Variants in TENM4 observed in about 807,000 individuals in gnomAD.
TENM4 encodes the protein teneurin-4.
In TENM4, 82 loss-of-function variants were observed where a neutral mutation model predicts 243.3. The observed-to-expected ratio is 0.34, with a 90% CI of 0.28 to 0.40. TENM4 has a LOEUF of 0.40. Among genes scored for constraint, TENM4 ranks in the 10% least tolerant of loss-of-function variants. The pLI is 1.00. For synonymous variants in TENM4, 1,412 were observed against 1,456.3 expected, an observed-to-expected ratio of 0.97 and a Z score of 0.69; for missense variants, 3,138 against 3,673.3, an observed-to-expected ratio of 0.85 and a Z score of 3.77.
In TENM4 at chr11:79,347,779, T is replaced by G. The variant is rs1277823414; in HGVS notation, c.-320-50236A>C. 7.1e-5 allele frequency among the ~76,000 whole-genome samples: 10 copies of G among 140,368 alleles called. 1 individual carries two copies. Among genetic ancestry groups the G allele is most frequent in the South Asian group, 2.5e-4 (1 of 3,978 alleles). 92.1% of individuals were successfully genotyped at this position (140,368 alleles called of 152,430 possible). A position where few individuals can be genotyped will look rare whatever the true frequency, so the allele number is the denominator to read the frequency against. ...ATCCTCTCCTTTTTTTTTTTTTTTT[T>G]TTTTTTTTTTTGAGACGGAGTCTCG... On this transcript the variant is annotated intron_variant, in intron 1 of 33. Coordinates refer to ENST00000278550, the MANE Select transcript of TENM4 (RefSeq NM_001098816.3).
Position 78,838,666 on chromosome 11 carries a change from T to C in TENM4, c.1681+15438A>G, listed in dbSNP as rs547230387. ...AAAGGAGTAAAGCAGGCCAGGTACA[T>C]GTAAGAAAAATGGAGGAGGTGGAGA... On this transcript the variant is annotated intron_variant, in intron 12 of 33. Coordinates refer to ENST00000278550, the MANE Select transcript of TENM4 (RefSeq NM_001098816.3). 1.3e-3 allele frequency among the ~76,000 whole-genome samples: 203 copies of C among 152,240 alleles called. 1 individual carries two copies. The highest frequency in any genetic ancestry group is 4.3e-3 in the African/African-American group (180 of 41,548).
chr11:78,686,426 C>T (rs1326798622), intron 29 of TENM4, among the ~76,000 whole-genome samples: 1 of 152,134 alleles, frequency 6.6e-6, no homozygotes, highest in Non-Finnish European at 1.5e-5. Context: ...GTCCTGTGAG[C>T]TGTTCCAGTA....
At chr11:79,255,643 A>G (rs1855689246) in intron 2 of TENM4, among the ~76,000 whole-genome samples, 1 of 152,242 alleles carries the variant, frequency 6.6e-6, no homozygotes, top group African/African-American at 2.4e-5. Context: ...AAGTTAGGGA[A>G]GCCAATGAGT....
rs567965338 is a variant in TENM4 at position 79,370,502 on chromosome 11, T to C, written c.-321+70007A>G. Among the ~76,000 whole-genome samples the C allele has an allele frequency of 3.9e-5, 6 of 152,052 alleles. 1 individual carries two copies. The East Asian group carries it at 1.2e-3, about 29-fold the overall frequency. Reference sequence around the variant, plus strand: ...TTCAGAAAAATTAAAAAATAGAAAATTTAATTAAAGCCCTCTCTGCCTAGT... The same window carrying C: ...TTCAGAAAAATTAAAAAATAGAAAACTTAATTAAAGCCCTCTCTGCCTAGT... On this transcript the variant is annotated intron_variant, in intron 1 of 33. Transcript: ENST00000278550.
At chr11:79,000,618 C>T (rs1290223343) in intron 6 of TENM4, among the ~76,000 whole-genome samples, 1 of 151,966 alleles carries the variant, frequency 6.6e-6, no homozygotes, top group African/African-American at 2.4e-5. Flanking sequence ...AAAAAATCCT[C>T]AAGATATAGT....
At chr11:79,079,297 G>C (rs1253568062) in intron 4 of TENM4, among the ~76,000 whole-genome samples, 5 of 152,246 alleles carry the variant, frequency 3.3e-5, no homozygotes, top group African/African-American at 1.2e-4. Context: ...GCAGACAGCT[G>C]CTGTATGGGC....
chr11:78,828,053 CT>C (rs1857897386), intron 12 of TENM4, among the ~76,000 whole-genome samples: 1 of 152,184 alleles, frequency 6.6e-6, no homozygotes, highest in Admixed American at 6.5e-5. Context: ...TCTGGAGTAG[CT>C]GGGCAGTCAA....
intron 6 of TENM4, among the ~76,000 whole-genome samples, chr11:79,006,782 C>T (rs2852254): frequency 0.2 from 30,532 of 152,244 alleles, 3,546 homozygotes; most frequent in Non-Finnish European, 0.27. Flanking sequence ...TTCTTAGAAG[C>T]TTAAAAGATG....
intron 6 of TENM4, among the ~76,000 whole-genome samples, chr11:78,965,711 T>C (rs75329634): frequency 0.022 from 3,390 of 152,334 alleles, 59 homozygotes; most frequent in Admixed American, 0.037. Flanking sequence ...ACGCATTCCC[T>C]GGTCTCTCCT....
chr11:79,391,015 T>C (rs1858222136), intron 1 of TENM4, among the ~76,000 whole-genome samples: 1 of 152,214 alleles, frequency 6.6e-6, no homozygotes, highest in Admixed American at 6.5e-5. Context: ...GACATGGTTT[T>C]TACATAAGAG....
chr11:79,281,508 A>T (rs192224924), intron 2 of TENM4, among the ~76,000 whole-genome samples: 43 of 152,296 alleles, frequency 2.8e-4, no homozygotes, highest in African/African-American at 9.6e-4. Context: ...TTATTTTATC[A>T]CTGAGAAAGT....
intron 3 of TENM4, among the ~76,000 whole-genome samples, chr11:79,209,348 G>A (rs1351102033): frequency 6.6e-6 from 1 of 152,220 alleles, no homozygotes; most frequent in Non-Finnish European, 1.5e-5. Context: ...GTGGCTGTCT[G>A]CTGCTCCTTC....
In TENM4 at chr11:78,856,088, C is replaced by T. The variant is rs1364285881; in HGVS notation, c.1346G>A (p.Gly449Asp). ...GAACACTTGAGATCTCCAGAAAGTG[C>T]CAGGAGGAATCTTCTGGGAAGCTCG... ...GRRASQKIPP[G>D]TFWRSQVFID... Residue 449 changes from glycine to aspartate, a missense_variant, in exon 11 of 34, where the codon GGC becomes GAC. Transcript: ENST00000278550. The T allele has an allele frequency of 1.3e-6, 2 of 1,551,642 alleles. No individual in the cohort carries two copies. The highest frequency in any genetic ancestry group is 4.9e-5 in the East Asian group (2 of 40,916).
At chr11:78,807,198 T>C (rs1565387224) in intron 14 of TENM4, among the ~76,000 whole-genome samples, 1 of 152,250 alleles carries the variant, frequency 6.6e-6, no homozygotes, top group Non-Finnish European at 1.5e-5. Context: ...TTTCAATTCA[T>C]TTGAGTATAT....
At chr11:79,241,255 C>A (rs1216941869) in intron 2 of TENM4, among the ~76,000 whole-genome samples, 1 of 151,804 alleles carries the variant, frequency 6.6e-6, no homozygotes, top group Non-Finnish European at 1.5e-5. Context: ...CAGTAGACTG[C>A]TGGAAGAGGG....
intron 25 of TENM4, among the ~76,000 whole-genome samples, chr11:78,715,081 A>C (rs1565345882): frequency 6.6e-6 from 1 of 152,168 alleles, no homozygotes; most frequent in African/African-American, 2.4e-5. Context: ...TTACTTAGGT[A>C]GTGTTTGCAT....
intron 3 of TENM4, among the ~76,000 whole-genome samples, chr11:79,151,371 G>C (rs1476548901): frequency 6.6e-6 from 1 of 152,152 alleles, no homozygotes; most frequent in Non-Finnish European, 1.5e-5. Flanking sequence ...AAGTATAGTA[G>C]AAGATTGCTT....
At chr11:78,942,521 C>G (rs1216263504) in intron 6 of TENM4, among the ~76,000 whole-genome samples, 1 of 151,764 alleles carries the variant, frequency 6.6e-6, no homozygotes, top group Non-Finnish European at 1.5e-5. Flanking sequence ...GGGCCACATT[C>G]AAAAGCCGTC....
intron 1 of TENM4, among the ~76,000 whole-genome samples, chr11:79,374,407 A>G (rs543318769): frequency 3.4e-4 from 52 of 152,228 alleles, no homozygotes; most frequent in South Asian, 6.2e-4. Context: ...AACATTTTAC[A>G]TACTGACTCC....
Sources: gnomAD v4.1 joint callset for allele counts (sites outside exome capture counted in the v4.1 genomes callset) on GRCh38, gnomAD v4.1.1 for gene constraint, MANE v1.5 for transcripts, NCBI Gene and HGNC (gene_info 2026-07-23, HGNC 2026-07-21) for gene names.